Variants in UGGT1 observed in about 807,000 individuals in gnomAD.
UGGT1 encodes the protein UDP-glucose glycoprotein glucosyltransferase 1.
UGGT1 carries 107 observed loss-of-function variants against 203.9 expected under a neutral mutation model. The ratio of observed to expected loss-of-function variants is 0.52; its 90% CI spans 0.45 to 0.62. The LOEUF (loss-of-function observed/expected upper bound fraction) is 0.62, where lower values mean the gene tolerates loss of function less well. Among genes scored for constraint, UGGT1 ranks in the 20% least tolerant of loss-of-function variants. UGGT1 has a pLI of 0.00. For synonymous variants in UGGT1, 628 were observed against 653.5 expected, an observed-to-expected ratio of 0.96 and a Z score of 0.59; for missense variants, 1,673 against 1,867.2, an observed-to-expected ratio of 0.90 and a Z score of 1.92.
At chr2:128,097,686 C>T in intron 2 of UGGT1, 122 bp downstream of exon 2, 2 of 1,250,396 alleles carry the variant, frequency 1.6e-6, no homozygotes, top group East Asian at 4.8e-5. Flanking sequence ...GAGCCTCTTT[C>T]AGTGTATACT....
At chr2:128,184,434 C>G (rs1286217331) in intron 38 of UGGT1, among the ~76,000 whole-genome samples, 3 of 152,142 alleles carry the variant, frequency 2.0e-5, no homozygotes, top group East Asian at 1.9e-4. Flanking sequence ...TATTCACATA[C>G]ATCCAGGAAT....
In UGGT1 at chr2:128,159,716, T is replaced by G; in HGVS notation, c.2558T>G (p.Val853Gly). ...GGAGCTGACATTGCGGAGTTCTCTG[T>G]TGGGGTAAGGCTCTGAGCCTCTCAT... is the stretch of plus-strand genomic sequence containing the variant. The part of the protein sequence containing the change: ...AAGADIAEFS[V>G]GGMDFSLFKE... Residue 853 changes from valine (V) to glycine (G), a missense_variant, in exon 23 of 41, where the codon GTT (valine) becomes GGT (glycine). Transcript: ENST00000259253. 2 of 1,614,074 alleles carry G rather than the reference T, an allele frequency of 1.2e-6. No homozygotes were observed. Among genetic ancestry groups the G allele is most frequent in the Non-Finnish European group, 1.7e-6 (2 of 1,179,992 alleles).
rs569273435 is a variant in UGGT1 at position 128,116,619 on chromosome 2, C to T, written c.872+276C>T. On this transcript the variant is annotated intron_variant, in intron 8 of 40. Transcript: ENST00000259253. ...GACTCACTGCAACCTCCACTTTCCA[C>T]GTTCAAGTGATTATTCTGTCTCAGC... 3.9e-5 allele frequency among the ~76,000 whole-genome samples: 6 copies of T among 152,158 alleles called. No individual in the cohort carries two copies. In the East Asian group the frequency reaches 5.8e-4, roughly 15 times the overall value.
At chr2:128,108,261 T>TAAGA (rs10692856) in intron 4 of UGGT1, among the ~76,000 whole-genome samples, 193 bp downstream of exon 4, 136,783 of 151,984 alleles carry the variant, frequency 0.9, 62,339 homozygotes, top group Non-Finnish European at 0.98. Flanking sequence ...TTTAAAAAAA[T>TAAGA]AAAAGAATAT....
At chr2:128,121,132 G>T in intron 9 of UGGT1, 67 bp from the exon 10 acceptor site, 1 of 1,484,580 alleles carries the variant, frequency 6.7e-7, no homozygotes, top group South Asian at 1.1e-5. Context: ...AGTAAATTTG[G>T]ATTTTGTTTT....
Position 128,121,273 on chromosome 2 carries a change from A to C in UGGT1, c.1048A>C (p.Ser350Arg). The C allele has an allele frequency of 6.2e-7, 1 of 1,612,096 alleles. No individual in the cohort carries two copies. The highest frequency in any genetic ancestry group is 8.5e-7 in the Non-Finnish European group (1 of 1,179,496). The change falls in exon 10 of 41, where the codon AGT becomes CGT. Residue 350 changes from serine to arginine, a missense_variant. This residue lies in a region of UGGT1 where 1,073 missense variants were observed against 1,078.7 expected (regional missense o/e 0.99). Coordinates refer to ENST00000259253, the MANE Select transcript of UGGT1 (RefSeq NM_020120.4). Reference sequence around the variant, plus strand: ...GGCTTTGGTTGTCATGAAGGATCTTAGTCAGAATTTTCCTACCAAAGCCAG... The same window carrying C: ...GGCTTTGGTTGTCATGAAGGATCTTCGTCAGAATTTTCCTACCAAAGCCAG... ...ELALVVMKDL[S>R]QNFPTKARAI... is the part of the protein sequence containing the mutation.
In UGGT1 at chr2:128,156,321, A is replaced by G. The variant is rs73955957; in HGVS notation, c.2237-71A>G. ...CGTGTTAGCCATTGTTTAGACTTTC[A>G]ATTTTTACAGTAGGCATTCATTCCA... is the stretch of plus-strand genomic sequence containing the variant. On this transcript the variant is annotated intron_variant, in intron 20 of 40. Transcript: ENST00000259253. 4,399 of 1,233,246 alleles carry G rather than the reference A, an allele frequency of 3.6e-3. 109 individuals are homozygous for G. The African/African-American group carries it at 0.05, about 14-fold the overall frequency. The allele number at this position is 1,233,246 out of a possible 1,614,324, so 76.4% of individuals were successfully genotyped here. A position where few individuals can be genotyped will look rare whatever the true frequency, so the allele number is the denominator to read the frequency against.
intron 16 of UGGT1, chr2:128,140,053 G>A (rs1689332626): frequency 6.5e-6 from 1 of 153,368 alleles, no homozygotes; most frequent in African/African-American, 2.4e-5. Context: ...AGTGGTAATA[G>A]GATTCCTTGA....
At chr2:128,182,536 T>C (rs1437850968) in intron 37 of UGGT1, among the ~76,000 whole-genome samples, 3 of 151,918 alleles carry the variant, frequency 2.0e-5, no homozygotes, top group Non-Finnish European at 4.4e-5. Context: ...CCGTCTCTAC[T>C]AAAAATACAA....
intron 38 of UGGT1, among the ~76,000 whole-genome samples, chr2:128,185,510 G>A (rs1189912857): frequency 1.6e-5 from 2 of 122,326 alleles, no homozygotes; most frequent in Non-Finnish European, 3.2e-5. Context: ...GTCTCACTCT[G>A]TCACCCAGGC....
At chr2:128,125,641 A>G (rs551108637) in intron 11 of UGGT1, among the ~76,000 whole-genome samples, 102 of 152,260 alleles carry the variant, frequency 6.7e-4, no homozygotes, top group African/African-American at 2.3e-3. Context: ...TTCAGGAGGG[A>G]AAAATGTTCT....
chr2:128,117,880 T>G (rs1167124688), intron 8 of UGGT1, among the ~76,000 whole-genome samples: 8 of 152,004 alleles, frequency 5.3e-5, no homozygotes, highest in Admixed American at 5.3e-4. Flanking sequence ...ATTCTAAAAG[T>G]TGAAGTTATT....
At chr2:128,091,557 G>C in intron 1 of UGGT1, 142 bp downstream of exon 1, 7 of 1,442,088 alleles carry the variant, frequency 4.9e-6, no homozygotes, top group Non-Finnish European at 6.4e-6. Flanking sequence ...TCCCCTATTC[G>C]CGAGCGCCCC....
At chr2:128,126,684 CTTTTTTTT>C in intron 11 of UGGT1, among the ~76,000 whole-genome samples, 1 of 119,708 alleles carries the variant, frequency 8.4e-6, no homozygotes, top group Non-Finnish European at 1.7e-5. Flanking sequence ...CAGGGTCAGT[CTTTTTTTT>C]TTTTTTTTTT....
At position 128,188,072 on chromosome 2, in the gene UGGT1, G is replaced by A. The variant is rs188072103; in HGVS notation, c.4642+458G>A. The stretch of plus-strand genomic sequence containing the variant: ...GTCTCACTCTGTTGCCCAGGCTGGA[G>A]TGCAGTGGCATGATCTTGGCTCACT... On this transcript the variant is annotated intron_variant, in intron 40 of 40. Coordinates refer to ENST00000259253, the MANE Select transcript of UGGT1 (RefSeq NM_020120.4). Among the ~76,000 whole-genome samples the A allele has an allele frequency of 4.1e-3, 614 of 148,878 alleles. 5 individuals carry two copies. Among genetic ancestry groups the A allele is most frequent in the African/African-American group, 0.013 (536 of 40,350 alleles).
chr2:128,163,458 G>C (rs1690629801), intron 25 of UGGT1, among the ~76,000 whole-genome samples: 1 of 147,966 alleles, frequency 6.8e-6, no homozygotes, highest in Admixed American at 6.8e-5. Flanking sequence ...GCTCACACCT[G>C]TAATCCCAGC....
At chr2:128,172,444 T>C in intron 28 of UGGT1, 129 bp from the exon 29 acceptor site, 3 of 1,225,126 alleles carry the variant, frequency 2.4e-6, no homozygotes, top group Non-Finnish European at 3.4e-6. Context: ...TGGAAACACT[T>C]TTCCCAATCT....
At chr2:128,133,353 A>G (rs1688975425) in intron 14 of UGGT1, 93 bp downstream of exon 14, 9 of 1,500,878 alleles carry the variant, frequency 6.0e-6, no homozygotes, top group Non-Finnish European at 8.2e-6. Flanking sequence ...TCTCACCTTT[A>G]CTAGCTGCTT....
At chr2:128,123,360 G>T in intron 11 of UGGT1, 114 bp downstream of exon 11, 1 of 901,366 alleles carries the variant, frequency 1.1e-6, no homozygotes, top group Non-Finnish European at 1.7e-6. Flanking sequence ...CTAAGATGGT[G>T]ATTTTTTCAT....
Sources: allele counts gnomAD v4.1 joint callset (sites outside exome capture counted in the v4.1 genomes callset), GRCh38; gene constraint gnomAD v4.1.1; regional missense constraint gnomAD v4.1.1; transcripts MANE v1.5; gene names NCBI Gene and HGNC (gene_info 2026-07-23, HGNC 2026-07-21).